The following KIF6 variants were observed in gnomAD, a reference collection of about 807,000 sequenced individuals.
KIF6 encodes the protein kinesin-like protein KIF6.
A neutral mutation model predicts 112.7 loss-of-function variants in KIF6; 106 were observed. The observed-to-expected ratio is 0.94, with a 90% CI of 0.80 to 1.11. The LOEUF is 1.11. Ranked by LOEUF, KIF6 falls within the 50% of genes least tolerant of loss-of-function variation. The pLI, the probability that KIF6 is intolerant of heterozygous loss-of-function variation, is 0.00. For missense variants in KIF6, 929 were observed against 964.0 expected (o/e 0.96, Z 0.48); for synonymous variants, 339 against 339.9 (o/e 1.00, Z 0.03).
intron 3 of KIF6, among the ~76,000 whole-genome samples, chr6:39,700,700 T>C (rs1788829139): frequency 7.0e-6 from 1 of 143,384 alleles, no homozygotes; most frequent in African/African-American, 2.5e-5. Context: ...CACATGAAAA[T>C]GGTATCCATA....
At chr6:39,420,053 A>T (rs1188066798) in intron 14 of KIF6, 50 bp from the exon 15 acceptor site, 1 of 1,305,362 alleles carries the variant, frequency 7.7e-7, no homozygotes. Context: ...ATCCTACAAG[A>T]TGTTTTAAAA....
intron 6 of KIF6, among the ~76,000 whole-genome samples, chr6:39,606,913 C>T (rs1782919825): frequency 6.6e-6 from 1 of 152,160 alleles, no homozygotes; most frequent in Non-Finnish European, 1.5e-5. Flanking sequence ...TCTATCCTGC[C>T]TGAGGTTGGA....
At chr6:39,369,288 G>A (rs1765793047) in intron 16 of KIF6, among the ~76,000 whole-genome samples, 2 of 152,218 alleles carry the variant, frequency 1.3e-5, no homozygotes, top group South Asian at 4.2e-4. Context: ...CACCTTAGCG[G>A]ACCCAAGCAT....
At chr6:39,372,708 G>A (rs1164109486) in intron 16 of KIF6, among the ~76,000 whole-genome samples, 2 of 152,008 alleles carry the variant, frequency 1.3e-5, no homozygotes, top group African/African-American at 4.8e-5. Context: ...AGAATATTAC[G>A]GAATTGGTAG....
intron 4 of KIF6, among the ~76,000 whole-genome samples, chr6:39,639,346 T>G (rs955841443): frequency 1.3e-5 from 2 of 152,108 alleles, no homozygotes; most frequent in African/African-American, 4.8e-5. Context: ...TGTTGTCTGC[T>G]CTTTCAACCT....
chr6:39,468,182 A>T (rs975244863), intron 13 of KIF6, among the ~76,000 whole-genome samples: 5 of 152,106 alleles, frequency 3.3e-5, no homozygotes, highest in African/African-American at 4.8e-5. Context: ...AAAGAAAAAA[A>T]AAAGAATAAA....
intron 3 of KIF6, among the ~76,000 whole-genome samples, chr6:39,700,111 C>A (rs1037960964): frequency 4.9e-4 from 74 of 152,204 alleles, no homozygotes; most frequent in African/African-American, 1.7e-3. Flanking sequence ...GAAGAATGGG[C>A]ATACATCCCC....
intron 6 of KIF6, among the ~76,000 whole-genome samples, chr6:39,600,634 CCTT>C (rs1782519260): frequency 6.6e-6 from 1 of 152,144 alleles, no homozygotes; most frequent in South Asian, 2.1e-4. Flanking sequence ...GTCACTTTCT[CCTT>C]CTCTATCGCT....
At chr6:39,369,627 C>T (rs1765816877) in intron 16 of KIF6, among the ~76,000 whole-genome samples, 1 of 152,194 alleles carries the variant, frequency 6.6e-6, no homozygotes, top group Non-Finnish European at 1.5e-5. Flanking sequence ...GGCCTCTCTC[C>T]TTCAGATCTG....
intron 13 of KIF6, among the ~76,000 whole-genome samples, chr6:39,473,185 C>CA (rs911082643): frequency 3.4e-5 from 5 of 147,588 alleles, no homozygotes; most frequent in East Asian, 2.0e-4. Flanking sequence ...AGCACCCGGT[C>CA]AAAAAAAAAG....
At chr6:39,529,684 G>T (rs1262435800) in intron 13 of KIF6, among the ~76,000 whole-genome samples, 6 of 152,176 alleles carry the variant, frequency 3.9e-5, no homozygotes, top group Non-Finnish European at 7.3e-5. Flanking sequence ...CTACTTGGGA[G>T]GGTGAGGCAG....
intron 5 of KIF6, among the ~76,000 whole-genome samples, chr6:39,621,646 G>A (rs1008236292): frequency 2.6e-5 from 4 of 152,148 alleles, no homozygotes; most frequent in Non-Finnish European, 5.9e-5. Flanking sequence ...GAACAAATGT[G>A]CTTAGTAGTG....
intron 6 of KIF6, among the ~76,000 whole-genome samples, chr6:39,602,060 C>A (rs1427727420): frequency 6.6e-6 from 1 of 152,096 alleles, no homozygotes; most frequent in East Asian, 1.9e-4. Context: ...TTGATTTGAT[C>A]TATAAAATTT....
Position 39,623,988 on chromosome 6 carries a change from G to A in KIF6, c.510-10670C>T, listed in dbSNP as rs59780393. On this transcript the variant is annotated intron_variant, in intron 5 of 22. Coordinates refer to ENST00000287152, the MANE Select transcript of KIF6 (RefSeq NM_145027.6). ...TTGGCTCAGTCAGAACTTGCCATAC[G>A]TCAGTAAAATTAGGAAACCATTGAG... is the stretch of plus-strand genomic sequence containing the variant. 3.1e-3 allele frequency among the ~76,000 whole-genome samples: 474 copies of A among 152,198 alleles called. 4 individuals are homozygous for A. The highest frequency in any genetic ancestry group is 0.011 in the African/African-American group (442 of 41,520).
intron 12 of KIF6, among the ~76,000 whole-genome samples, chr6:39,540,751 C>T (rs183693652): frequency 5.1e-4 from 78 of 152,330 alleles, no homozygotes; most frequent in Admixed American, 1.8e-3. Context: ...AAGCTCAGCA[C>T]GTGCTTATGT....
chr6:39,398,792 A>C (rs1768466803), intron 15 of KIF6, among the ~76,000 whole-genome samples: 1 of 152,240 alleles, frequency 6.6e-6, no homozygotes, highest in Admixed American at 6.5e-5. Context: ...CCTAAAAAGT[A>C]ATGCTTGTAC....
intron 14 of KIF6, among the ~76,000 whole-genome samples, chr6:39,422,025 C>G (rs1172674091): frequency 1.3e-5 from 2 of 152,186 alleles, no homozygotes; most frequent in Non-Finnish European, 2.9e-5. Flanking sequence ...TAGGATCTGA[C>G]AGTCACACGT....
At chr6:39,520,428 A>AAC (rs1181737491) in intron 13 of KIF6, among the ~76,000 whole-genome samples, 1 of 152,252 alleles carries the variant, frequency 6.6e-6, no homozygotes, top group African/African-American at 2.4e-5. Context: ...TGCCCAACAC[A>AAC]ACACACAATT....
At chr6:39,543,309 G>C (rs1778892826) in intron 12 of KIF6, among the ~76,000 whole-genome samples, 1 of 152,184 alleles carries the variant, frequency 6.6e-6, no homozygotes, top group Non-Finnish European at 1.5e-5. Flanking sequence ...GATGGTGTAA[G>C]AGGAAGGAAA....
Sources: allele counts gnomAD v4.1 joint callset (sites outside exome capture counted in the v4.1 genomes callset), GRCh38; gene constraint gnomAD v4.1.1; transcripts MANE v1.5; gene names NCBI Gene and HGNC (gene_info 2026-07-23, HGNC 2026-07-21).